The following COP1 variants were observed in gnomAD, a reference collection of about 807,000 sequenced individuals.
The protein encoded by COP1 is E3 ubiquitin-protein ligase COP1.
COP1 carries 24 observed loss-of-function variants against 101.3 expected under a neutral mutation model. The ratio of observed to expected loss-of-function variants is 0.24; its 90% CI spans 0.17 to 0.33. COP1 has a LOEUF of 0.33. Among genes scored for constraint, COP1 ranks in the 10% least tolerant of loss-of-function variants. The pLI is 1.00. For missense variants in COP1, 663 were observed against 906.2 expected (o/e 0.73, Z 3.45); for synonymous variants, 347 against 341.9 (o/e 1.01, Z -0.17).
At chr1:175,946,211 G>A (rs1345779314) in intron 19 of COP1, among the ~76,000 whole-genome samples, 3 of 152,046 alleles carry the variant, frequency 2.0e-5, no homozygotes, top group Non-Finnish European at 2.9e-5. Context: ...AAAAAACCTC[G>A]TTTTCATTTA....
chr1:176,162,721 A>G (rs1016705348), intron 5 of COP1, 148 bp downstream of exon 5: 1 of 531,974 alleles, frequency 1.9e-6, no homozygotes, highest in Non-Finnish European at 3.1e-6. Flanking sequence ...GGGGGAATCT[A>G]GCAGAAGTGA....
intron 15 of COP1, among the ~76,000 whole-genome samples, chr1:176,006,704 C>T (rs766856938): frequency 2.6e-5 from 4 of 152,190 alleles, no homozygotes; most frequent in Non-Finnish European, 5.9e-5. Context: ...TGTAGGGTTT[C>T]TGCCGAGAGA....
chr1:175,956,484 T>C (rs1024844726), intron 18 of COP1, among the ~76,000 whole-genome samples: 3 of 151,474 alleles, frequency 2.0e-5, no homozygotes, highest in Non-Finnish European at 2.9e-5. Flanking sequence ...AAAAAACATG[T>C]ACAATAAAGG....
At chr1:176,133,404 A>G (rs190185489) in intron 8 of COP1, among the ~76,000 whole-genome samples, 90 of 151,428 alleles carry the variant, frequency 5.9e-4, no homozygotes, top group Non-Finnish European at 1.2e-3. Context: ...TATGTGCTCT[A>G]TTATTTTCTT....
At position 176,061,416 on chromosome 1, in the gene COP1, C is replaced by G. The variant is rs555694795; in HGVS notation, c.1278-15092G>C. 4.5e-4 allele frequency among the ~76,000 whole-genome samples: 68 copies of G among 152,310 alleles called. 1 individual carries two copies. The highest frequency in any genetic ancestry group is 1.6e-3 in the African/African-American group (67 of 41,568). ...CCGAGGTGGGCAGATCACCTGAGGT[C>G]AGGAGTTCGAGATCAGCCTGACCAA... On this transcript the variant is annotated intron_variant, in intron 11 of 19. Transcript: ENST00000367669.
chr1:176,045,893 T>C lies in COP1; in HGVS notation c.1421+288A>G, dbSNP rs982326563. On this transcript the variant is annotated intron_variant, in intron 12 of 19. Transcript: ENST00000367669. ...ACATTAATCCTCATTCAGTACTCCA[T>C]AGAGTCTCCAACAACCATGTCCAAC... Among the ~76,000 whole-genome samples, 41 of 151,506 alleles carry C rather than the reference T, an allele frequency of 2.7e-4. 1 individual carries two copies. The highest frequency in any genetic ancestry group is 2.2e-3 in the Admixed American group (34 of 15,216).
chr1:176,058,629 G>A (rs975047659), intron 11 of COP1, among the ~76,000 whole-genome samples: 12 of 152,010 alleles, frequency 7.9e-5, no homozygotes, highest in African/African-American at 2.9e-4. Context: ...GCGGAAGGCC[G>A]CAGGGTCCTC....
At chr1:176,000,697 T>A (rs983728167) in intron 15 of COP1, among the ~76,000 whole-genome samples, 6 of 152,064 alleles carry the variant, frequency 3.9e-5, no homozygotes, top group African/African-American at 1.4e-4. Flanking sequence ...GTTCTCAACC[T>A]GTATATGGTA....
intron 15 of COP1, among the ~76,000 whole-genome samples, chr1:176,021,972 T>C (rs1666827865): frequency 6.6e-6 from 1 of 152,246 alleles, no homozygotes; most frequent in Non-Finnish European, 1.5e-5. Context: ...CTTTTAATTT[T>C]TGCTTTTCTA....
intron 18 of COP1, among the ~76,000 whole-genome samples, chr1:175,949,180 A>AAAAAAAAAAAAAAAAAAAAAAAAAAAAAG (rs1649558235): frequency 6.7e-6 from 1 of 148,274 alleles, no homozygotes; most frequent in African/African-American, 2.5e-5. Context: ...AAAAAAAAAA[A>AAAAAAAAAAAAAAAAAAAAAAAAAAAAAG]AAAAAAAAAA....
chr1:175,982,696 A>T (rs1259282335), intron 18 of COP1, among the ~76,000 whole-genome samples: 1 of 152,194 alleles, frequency 6.6e-6, no homozygotes, highest in Non-Finnish European at 1.5e-5. Flanking sequence ...CACGTTGTCA[A>T]GGTTAAACTG....
At chr1:176,148,381 C>T (rs1413185813) in intron 6 of COP1, among the ~76,000 whole-genome samples, 2 of 149,830 alleles carry the variant, frequency 1.3e-5, no homozygotes, top group Admixed American at 1.3e-4. Context: ...AGGTTCCAGC[C>T]AGTTAGAAAT....
chr1:176,013,359 A>C (rs1225897005), intron 15 of COP1, among the ~76,000 whole-genome samples: 1 of 152,150 alleles, frequency 6.6e-6, no homozygotes, highest in African/African-American at 2.4e-5. Flanking sequence ...ATGGGTTCTA[A>C]AATAAGAGAT....
intron 9 of COP1, among the ~76,000 whole-genome samples, chr1:176,090,139 T>A (rs1163156325): frequency 6.6e-6 from 1 of 152,190 alleles, no homozygotes; most frequent in African/African-American, 2.4e-5. Context: ...GTAACTTAAC[T>A]CTTTGAACCA....
intron 11 of COP1, among the ~76,000 whole-genome samples, chr1:176,052,727 A>G (rs1177940266): frequency 6.6e-6 from 1 of 152,154 alleles, no homozygotes; most frequent in Non-Finnish European, 1.5e-5. Context: ...GCAACCAATA[A>G]TTTCAACTTG....
At chr1:176,081,524 T>C (rs1282929998) in intron 10 of COP1, among the ~76,000 whole-genome samples, 1 of 151,928 alleles carries the variant, frequency 6.6e-6, no homozygotes, top group African/African-American at 2.4e-5. Context: ...TTTTTGGCAA[T>C]AATTCCTTGG....
At chr1:176,148,950 G>T in intron 6 of COP1, 56 bp downstream of exon 6, 1 of 1,112,788 alleles carries the variant, frequency 9.0e-7, no homozygotes, top group Non-Finnish European at 1.3e-6. Flanking sequence ...TTTACAAAAT[G>T]GGAACAGTTA....
intron 11 of COP1, among the ~76,000 whole-genome samples, chr1:176,079,403 T>G (rs1432378409): frequency 6.6e-6 from 1 of 152,128 alleles, no homozygotes. Flanking sequence ...ATGTATATTC[T>G]CACTTGTAAG....
intron 3 of COP1, among the ~76,000 whole-genome samples, chr1:176,171,497 C>G (rs1696051262): frequency 6.6e-6 from 1 of 152,170 alleles, no homozygotes; most frequent in Non-Finnish European, 1.5e-5. Context: ...ATTTTGCCTT[C>G]TTATCATTCG....
Sources: allele counts gnomAD v4.1 joint callset (sites outside exome capture counted in the v4.1 genomes callset), GRCh38; gene constraint gnomAD v4.1.1; transcripts MANE v1.5; gene names NCBI Gene and HGNC (gene_info 2026-07-23, HGNC 2026-07-21).